KPNA4: variants seen among roughly 807,000 people sequenced by gnomAD.
KPNA4 encodes the protein karyopherin subunit alpha 4.
In KPNA4, 13 loss-of-function variants were observed where a neutral mutation model predicts 71.3. The ratio of observed to expected loss-of-function variants is 0.18; its 90% CI spans 0.12 to 0.29. The LOEUF (loss-of-function observed/expected upper bound fraction) is 0.29, where lower values mean the gene tolerates loss of function less well. Among genes scored for constraint, KPNA4 ranks in the 10% least tolerant of loss-of-function variants. KPNA4 has a pLI of 1.00. For synonymous variants in KPNA4, 189 were observed against 195.2 expected (o/e 0.97, Z 0.26); for missense variants, 334 against 603.2 (o/e 0.55, Z 4.67).
chr3:160,502,132 T>C lies in KPNA4; in HGVS notation c.1538A>G (p.Asn513Ser), dbSNP rs777134189. 8.1e-5 allele frequency: 129 copies of C among 1,597,594 alleles called. No individual in the cohort carries two copies. Among genetic ancestry groups the C allele is most frequent in the Non-Finnish European group, 4.4e-5 (51 of 1,169,834 alleles). ...AAACTGGAACCCTTCTGTTGGTACATTGGCAGATGAATTGAAACCAAATGT... is the reference window on the plus strand; with the variant it reads ...AAACTGGAACCCTTCTGTTGGTACACTGGCAGATGAATTGAAACCAAATGT... Reference protein sequence around the residue: ...GGTFGFNSSANVPTEGFQF With the variant: ...GGTFGFNSSASVPTEGFQF The change falls in exon 17 of 17, where the codon AAT becomes AGT. Residue 513 changes from asparagine to serine, a missense_variant. Transcript: ENST00000334256.
At chr3:160,549,905 G>C (rs1166328600) in intron 1 of KPNA4, among the ~76,000 whole-genome samples, 1 of 152,126 alleles carries the variant, frequency 6.6e-6, no homozygotes, top group Non-Finnish European at 1.5e-5. Flanking sequence ...TTTTCCATTT[G>C]TGTTTCTTTC....
chr3:160,541,521 T>C (rs1721796536), intron 1 of KPNA4, among the ~76,000 whole-genome samples: 1 of 152,098 alleles, frequency 6.6e-6, no homozygotes, highest in Admixed American at 6.6e-5. Flanking sequence ...GACTAGGATA[T>C]ATTCTAAAAC....
chr3:160,555,355 A>G (rs1346838202), intron 1 of KPNA4, among the ~76,000 whole-genome samples: 1 of 152,156 alleles, frequency 6.6e-6, no homozygotes, highest in Non-Finnish European at 1.5e-5. Context: ...TAATGTTTTC[A>G]AGGTTCATCC....
intron 13 of KPNA4, among the ~76,000 whole-genome samples, chr3:160,510,405 A>G (rs1721066481): frequency 6.6e-6 from 1 of 152,144 alleles, no homozygotes; most frequent in African/African-American, 2.4e-5. Flanking sequence ...CAGAGTAATA[A>G]TATCTTTCTA....
rs898481573 is a variant in KPNA4 at position 160,500,800 on chromosome 3, C to A, written c.*1304G>T. Reference sequence around the variant, plus strand: ...CATCTACTCAAACCTCTTCATCGGTCTTTATTCAGCAGTACATATGCACCA... The same window carrying A: ...CATCTACTCAAACCTCTTCATCGGTATTTATTCAGCAGTACATATGCACCA... On this transcript the variant is annotated 3_prime_UTR_variant, in exon 17 of 17. Coordinates refer to ENST00000334256, the MANE Select transcript of KPNA4 (RefSeq NM_002268.5). 1 of 152,544 alleles carries A rather than the reference C, an allele frequency of 6.6e-6. No homozygotes were observed. The highest frequency in any genetic ancestry group is 2.4e-5 in the African/African-American group (1 of 41,420). 9.4% of individuals were successfully genotyped at this position (152,544 alleles called of 1,614,324 possible).
intron 1 of KPNA4, among the ~76,000 whole-genome samples, chr3:160,561,615 A>C (rs1160662050): frequency 6.6e-6 from 1 of 152,064 alleles, no homozygotes; most frequent in African/African-American, 2.4e-5. Context: ...TATCAGATTG[A>C]AATCTATGAA....
intron 16 of KPNA4, among the ~76,000 whole-genome samples, chr3:160,503,466 G>T (rs1395363287): frequency 4.6e-5 from 7 of 152,030 alleles, no homozygotes; most frequent in Admixed American, 4.6e-4. Context: ...ATCCAAAACT[G>T]TTCTGGTCCC....
At chr3:160,554,276 T>G (rs1231682386) in intron 1 of KPNA4, among the ~76,000 whole-genome samples, 2 of 152,222 alleles carry the variant, frequency 1.3e-5, no homozygotes, top group African/African-American at 4.8e-5. Context: ...TTTAGTACAT[T>G]CACAAAGTTG....
At chr3:160,517,401 C>A (rs754016742) in intron 11 of KPNA4, among the ~76,000 whole-genome samples, 2 of 152,050 alleles carry the variant, frequency 1.3e-5, no homozygotes, top group African/African-American at 2.4e-5. Flanking sequence ...TTGGCTATTA[C>A]AAATAACGCT....
rs774954082 is a variant in KPNA4 at position 160,535,644 on chromosome 3, GA to G, written c.234+16del. 1.3e-5 allele frequency: 21 copies of G among 1,584,356 alleles called. No homozygotes were observed. The highest frequency in any genetic ancestry group is 1.7e-5 in the Non-Finnish European group (20 of 1,170,116). On this transcript the variant is annotated intron_variant, in intron 4 of 16. Coordinates refer to ENST00000334256, the MANE Select transcript of KPNA4 (RefSeq NM_002268.5). ...GACAAGAAATGCAAATGAAGAGAGG[GA>G]AAAAATCCAACTTACTTGAACAATA...
chr3:160,559,849 T>A (rs759575256), intron 1 of KPNA4, among the ~76,000 whole-genome samples: 2 of 152,122 alleles, frequency 1.3e-5, no homozygotes, highest in African/African-American at 2.4e-5. Context: ...AAAAAAAGGT[T>A]CAACATGGCC....
rs1720860187 is a variant in KPNA4 at position 160,500,673 on chromosome 3, T to C, written c.*1431A>G. 6.6e-6 allele frequency: 1 copy of C among 152,614 alleles called. No individual in the cohort carries two copies. The highest frequency in any genetic ancestry group is 6.5e-5 in the Admixed American group (1 of 15,280). 9.5% of individuals were successfully genotyped at this position (152,614 alleles called of 1,614,324 possible). The stretch of plus-strand genomic sequence containing the variant: ...GTTTTCTCCCTAAAGTGGCTCAAAA[T>C]AGATTGTTCATGGCTGCCTACATCT... On this transcript the variant is annotated 3_prime_UTR_variant, in exon 17 of 17. Transcript: ENST00000334256.
At chr3:160,524,329 C>T (rs780373075) in intron 10 of KPNA4, among the ~76,000 whole-genome samples, 13 of 151,942 alleles carry the variant, frequency 8.6e-5, no homozygotes, top group Non-Finnish European at 1.2e-4. Flanking sequence ...TCTTGCCAAT[C>T]GTTTTATTTA....
At chr3:160,518,547 T>C (rs1453320427) in intron 11 of KPNA4, among the ~76,000 whole-genome samples, 1 of 151,180 alleles carries the variant, frequency 6.6e-6, no homozygotes, top group African/African-American at 2.4e-5. Context: ...CCCCAATGAA[T>C]TGGCTTGGCT....
intron 1 of KPNA4, among the ~76,000 whole-genome samples, chr3:160,537,794 A>G (rs1349987848): frequency 6.6e-6 from 1 of 151,810 alleles, no homozygotes; most frequent in Non-Finnish European, 1.5e-5. Context: ...CTCACATTAC[A>G]TATTCAATCT....
intron 11 of KPNA4, among the ~76,000 whole-genome samples, chr3:160,516,061 A>G (rs918869894): frequency 6.6e-6 from 1 of 152,146 alleles, no homozygotes; most frequent in African/African-American, 2.4e-5. Flanking sequence ...ATCCTGGCTC[A>G]CTGCAACCTC....
rs1253667158 is a variant in KPNA4 at position 160,501,083 on chromosome 3, G to GC, written c.*1020dup. 4 of 152,344 alleles carry GC rather than the reference G, an allele frequency of 2.6e-5. No homozygotes were observed. The highest frequency in any genetic ancestry group is 5.9e-5 in the Non-Finnish European group (4 of 68,006). The allele number at this position is 152,344 out of a possible 1,614,324, so 9.4% of individuals were successfully genotyped here. On this transcript the variant is annotated 3_prime_UTR_variant, in exon 17 of 17. Coordinates refer to ENST00000334256, the MANE Select transcript of KPNA4 (RefSeq NM_002268.5). ...ATACTATTATGGCAACTTGTGTACTGCAACACAGTCTATTTTGAGGGAAAT... is the reference window on the plus strand; with the variant it reads ...ATACTATTATGGCAACTTGTGTACTGCCAACACAGTCTATTTTGAGGGAAAT...
At chr3:160,539,995 TTTC>T (rs1266966029) in intron 1 of KPNA4, among the ~76,000 whole-genome samples, 5 of 127,976 alleles carry the variant, frequency 3.9e-5, no homozygotes, top group South Asian at 2.4e-4. Context: ...TTCTTTTTCT[TTTC>T]TTTTTTTTTT....
At chr3:160,550,463 C>T (rs1461108670) in intron 1 of KPNA4, among the ~76,000 whole-genome samples, 2 of 152,156 alleles carry the variant, frequency 1.3e-5, no homozygotes, top group Non-Finnish European at 2.9e-5. Context: ...CAGGGTCTTG[C>T]TATATTGCCT....
Sources: gnomAD v4.1 joint callset for allele counts (sites outside exome capture counted in the v4.1 genomes callset) on GRCh38, gnomAD v4.1.1 for gene constraint, MANE v1.5 for transcripts, NCBI Gene and HGNC (gene_info 2026-07-23, HGNC 2026-07-21) for gene names.